Variants in CLHC1 observed in about 807,000 individuals in gnomAD.
The protein encoded by CLHC1 is clathrin heavy chain linker domain-containing protein 1.
A neutral mutation model predicts 69.5 loss-of-function variants in CLHC1; 72 were observed. The ratio of observed to expected loss-of-function variants is 1.04; its 90% CI spans 0.86 to 1.26. The LOEUF is 1.26. Ranked by LOEUF, CLHC1 falls within the 50% of genes most tolerant of loss-of-function variation. The pLI is 0.00. For synonymous variants in CLHC1, 223 were observed against 224.3 expected (o/e 0.99, Z 0.05); for missense variants, 790 against 679.3 (o/e 1.16, Z -1.81).
chr2:55,218,046 G>A lies in CLHC1; in HGVS notation c.178-48C>T, dbSNP rs771588900. The A allele has an allele frequency of 4.1e-6, 4 of 985,602 alleles. No homozygotes were observed. The African/African-American group carries it at 5.0e-5, about 12-fold the overall frequency. The allele number at this position is 985,602 out of a possible 1,614,324, so 61.1% of individuals were successfully genotyped here. ...ATGGTATTGATTTTTTTTCTAGGAG[G>A]CTATGGATTGAAATTCTTGCAAATA... On this transcript the variant is annotated intron_variant, in intron 3 of 12. Transcript: ENST00000401408.
chr2:55,220,592 A>G (rs1204719872), intron 3 of CLHC1, among the ~76,000 whole-genome samples: 1 of 152,164 alleles, frequency 6.6e-6, no homozygotes, highest in African/African-American at 2.4e-5. Flanking sequence ...ATTTAACACC[A>G]TATGTTTTCT....
At chr2:55,229,718 G>A (rs1046087621) in intron 1 of CLHC1, among the ~76,000 whole-genome samples, 21 of 152,220 alleles carry the variant, frequency 1.4e-4, no homozygotes, top group Admixed American at 1.3e-4. Context: ...TCCTCTGAGT[G>A]AGATTCGAAG....
chr2:55,185,328 G>C (rs931302874), intron 9 of CLHC1, among the ~76,000 whole-genome samples: 8 of 152,034 alleles, frequency 5.3e-5, no homozygotes, highest in Admixed American at 3.3e-4. Flanking sequence ...TGGCTGAAAG[G>C]CTATTTAAAA....
In CLHC1 at chr2:55,174,723, T is replaced by C. The variant is rs764847000; in HGVS notation, c.*1067A>G. ...TTTAAATTTAGGATGGGAAAAGTTA[T>C]GCTCTTTGCTCTTATTCTAATAGCA... On this transcript the variant is annotated 3_prime_UTR_variant, in exon 13 of 13. Transcript: ENST00000401408. The C allele has an allele frequency of 1.3e-5, 2 of 152,254 alleles. No homozygotes were observed. The highest frequency in any genetic ancestry group is 2.9e-5 in the Non-Finnish European group (2 of 68,042). The allele number at this position is 152,254 out of a possible 1,614,324, so 9.4% of individuals were successfully genotyped here. A position where few individuals can be genotyped will look rare whatever the true frequency, so the allele number is the denominator to read the frequency against.
chr2:55,209,819 T>C lies in CLHC1; in HGVS notation c.512A>G (p.Gln171Arg). The C allele has an allele frequency of 6.2e-7, 1 of 1,604,580 alleles. No homozygotes were observed. The highest frequency in any genetic ancestry group is 8.5e-7 in the Non-Finnish European group (1 of 1,173,714). ...GAGAGCATCTAGATTCATGGATTCT[T>C]GAAGAGTCATGCCTATGGGGAAAGG... ...PSKPIPGMTL[Q>R]ESMNLDALTK... Residue 171 changes from glutamine to arginine, a missense_variant, in exon 6 of 13, where the codon CAA (glutamine) becomes CGA (arginine). Gln to Arg is a conservative substitution (Grantham distance 43, BLOSUM62 1). Coordinates refer to ENST00000401408, the MANE Select transcript of CLHC1 (RefSeq NM_152385.4).
chr2:55,181,620 T>A lies in CLHC1; in HGVS notation c.1131A>T (p.Gly377=). Residue 377 remains glycine (G), a synonymous_variant, in exon 10 of 13, where the codon GGA becomes GGT. Coordinates refer to ENST00000401408, the MANE Select transcript of CLHC1 (RefSeq NM_152385.4). Reference sequence around the variant, plus strand: ...CTAAATCTAACCGTTTTTCTGATAATCCACATTTGATTCCTTCCAGGGTTA... The same window carrying A: ...CTAAATCTAACCGTTTTTCTGATAAACCACATTTGATTCCTTCCAGGGTTA... ...AALTLEGIKC[G]LSEKRLDLVT... 1 of 1,613,496 alleles carries A rather than the reference T, an allele frequency of 6.2e-7. No individual in the cohort carries two copies. The highest frequency in any genetic ancestry group is 8.5e-7 in the Non-Finnish European group (1 of 1,179,872).
chr2:55,190,942 A>G (rs1371249607), intron 9 of CLHC1, among the ~76,000 whole-genome samples: 1 of 152,222 alleles, frequency 6.6e-6, no homozygotes, highest in Admixed American at 6.5e-5. Context: ...AAGTGCCAAA[A>G]AAAAAGTAAA....
At chr2:55,178,768 G>A (rs1000250750) in intron 11 of CLHC1, among the ~76,000 whole-genome samples, 7 of 151,998 alleles carry the variant, frequency 4.6e-5, no homozygotes, top group African/African-American at 1.4e-4. Context: ...AGGACTACCC[G>A]AAACATAATT....
At chr2:55,196,796 C>T (rs1336999173) in intron 9 of CLHC1, among the ~76,000 whole-genome samples, 1 of 152,172 alleles carries the variant, frequency 6.6e-6, no homozygotes, top group Non-Finnish European at 1.5e-5. Flanking sequence ...GCTGGGTGAT[C>T]AGCTTCTTCT....
intron 11 of CLHC1, among the ~76,000 whole-genome samples, chr2:55,179,348 C>T (rs1669695920): frequency 6.6e-6 from 1 of 151,686 alleles, no homozygotes; most frequent in Non-Finnish European, 1.5e-5. Flanking sequence ...CAAAACCTAC[C>T]TCATAGAGTC....
At chr2:55,210,330 G>T (rs898908546) in intron 5 of CLHC1, among the ~76,000 whole-genome samples, 1 of 151,830 alleles carries the variant, frequency 6.6e-6, no homozygotes, top group Non-Finnish European at 1.5e-5. Flanking sequence ...TGAGTAGCTG[G>T]GACTATAGGC....
At chr2:55,206,231 A>C in intron 9 of CLHC1, 39 bp downstream of exon 9, 1 of 1,210,210 alleles carries the variant, frequency 8.3e-7, no homozygotes, top group Non-Finnish European at 1.2e-6. Context: ...AAAGTAGTAA[A>C]TTTTCATACA....
intron 10 of CLHC1, among the ~76,000 whole-genome samples, chr2:55,181,153 G>A (rs955839519): frequency 6.6e-6 from 1 of 152,096 alleles, no homozygotes; most frequent in African/African-American, 2.4e-5. Flanking sequence ...GCTAATTTTT[G>A]TATTTTTAGT....
chr2:55,179,131 C>T (rs1313932342), intron 11 of CLHC1, among the ~76,000 whole-genome samples: 3 of 151,960 alleles, frequency 2.0e-5, no homozygotes, highest in African/African-American at 7.3e-5. Flanking sequence ...CATGTCTAAA[C>T]ATTAACTAAT....
rs535106118 is a variant in CLHC1, at chr2:55,175,718, T to A, written c.*72A>T. ...TAGATTTATTTATAAGTTAGTTACG[T>A]TAAAATCAGTTTTTCCCAACCAGCA... is the stretch of plus-strand genomic sequence containing the variant. On this transcript the variant is annotated 3_prime_UTR_variant, in exon 13 of 13. Coordinates refer to ENST00000401408, the MANE Select transcript of CLHC1 (RefSeq NM_152385.4). 5.4e-5 allele frequency: 55 copies of A among 1,022,696 alleles called. No individual in the cohort carries two copies. In the African/African-American group the frequency reaches 8.5e-4, roughly 16 times the overall value. The allele number at this position is 1,022,696 out of a possible 1,614,324, so 63.4% of individuals were successfully genotyped here. A position where few individuals can be genotyped will look rare whatever the true frequency, so the allele number is the denominator to read the frequency against.
At chr2:55,221,417 C>T (rs1382055763) in intron 3 of CLHC1, among the ~76,000 whole-genome samples, 1 of 152,146 alleles carries the variant, frequency 6.6e-6, no homozygotes, top group Non-Finnish European at 1.5e-5. Context: ...AGCTGATCTC[C>T]CTATTTCCAA....
At chr2:55,177,867 C>A (rs1471124380) in intron 11 of CLHC1, 86 bp from the exon 12 acceptor site, 4 of 930,954 alleles carry the variant, frequency 4.3e-6, no homozygotes, top group Non-Finnish European at 6.3e-6. Context: ...TCTATACCTG[C>A]CAATCAACAG....
chr2:55,194,814 C>A (rs146623574), intron 9 of CLHC1, among the ~76,000 whole-genome samples: 2 of 152,138 alleles, frequency 1.3e-5, no homozygotes, highest in Admixed American at 6.5e-5. Context: ...CATAGTGAAA[C>A]GATTAATATG....
intron 5 of CLHC1, among the ~76,000 whole-genome samples, chr2:55,210,338 G>A (rs1159779614): frequency 6.6e-6 from 1 of 151,980 alleles, no homozygotes; most frequent in Non-Finnish European, 1.5e-5. Flanking sequence ...TGGGACTATA[G>A]GCGCCTGCCA....
Sources: gnomAD v4.1 joint callset for allele counts (sites outside exome capture counted in the v4.1 genomes callset) on GRCh38, gnomAD v4.1.1 for gene constraint, MANE v1.5 for transcripts, NCBI Gene and HGNC (gene_info 2026-07-23, HGNC 2026-07-21) for gene names.